The following GPC6 variants were observed in gnomAD, a reference collection of about 807,000 sequenced individuals.
GPC6 encodes glypican 6, also known as glypican-6.
GPC6 carries 14 observed loss-of-function variants against 55.2 expected under a neutral mutation model. The ratio of observed to expected loss-of-function variants is 0.25; its 90% CI spans 0.17 to 0.40. The LOEUF (loss-of-function observed/expected upper bound fraction) is 0.40, where lower values mean the gene tolerates loss of function less well. Ranked by LOEUF, GPC6 falls within the 10% of genes least tolerant of loss-of-function variation. GPC6 has a pLI of 1.00. For synonymous variants in GPC6, 278 were observed against 259.6 expected (o/e 1.07, Z -0.68); for missense variants, 641 against 708.5 (o/e 0.90, Z 1.08).
intron 3 of GPC6, among the ~76,000 whole-genome samples, chr13:93,960,729 G>A (rs540422101): frequency 2.0e-5 from 3 of 151,882 alleles, no homozygotes; most frequent in Admixed American, 6.6e-5. Context: ...TCTCTGTGAT[G>A]CTGAAGCCAC....
At chr13:93,844,085 C>T (rs1363061195) in intron 3 of GPC6, among the ~76,000 whole-genome samples, 4 of 152,110 alleles carry the variant, frequency 2.6e-5, no homozygotes, top group Non-Finnish European at 4.4e-5. Flanking sequence ...ATCTCCCTAG[C>T]CTGTGAACTT....
chr13:94,117,101 A>G (rs531929965), intron 4 of GPC6, among the ~76,000 whole-genome samples: 2 of 152,174 alleles, frequency 1.3e-5, no homozygotes, highest in African/African-American at 4.8e-5. Flanking sequence ...TAATTCCATA[A>G]CAATCATTGT....
intron 2 of GPC6, among the ~76,000 whole-genome samples, chr13:93,814,312 T>C (rs1886783140): frequency 3.3e-5 from 5 of 152,212 alleles, no homozygotes; most frequent in Admixed American, 2.6e-4. Flanking sequence ...TTTAAAAGCA[T>C]GTTTTAATTA....
chr13:93,620,932 C>CT (rs778290495), intron 2 of GPC6, among the ~76,000 whole-genome samples: 1 of 152,080 alleles, frequency 6.6e-6, no homozygotes, highest in Non-Finnish European at 1.5e-5. Flanking sequence ...TTGGGCTGCA[C>CT]TTTTTTGTGA....
chr13:94,156,056 G>C (rs603741), intron 4 of GPC6, among the ~76,000 whole-genome samples: 87,736 of 152,040 alleles, frequency 0.58, 26,802 homozygotes, highest in Non-Finnish European at 0.67. Context: ...CGAGACTAAA[G>C]CCAAGATGAT....
intron 4 of GPC6, among the ~76,000 whole-genome samples, chr13:94,245,716 G>C (rs560355718): frequency 3.3e-5 from 5 of 152,114 alleles, no homozygotes; most frequent in African/African-American, 4.8e-5. Flanking sequence ...AATAATATTT[G>C]TGTGTATGTG....
intron 1 of GPC6, among the ~76,000 whole-genome samples, chr13:93,439,355 T>C (rs1052618040): frequency 2.0e-5 from 3 of 152,092 alleles, no homozygotes; most frequent in Admixed American, 6.6e-5. Flanking sequence ...GGTAATTGAA[T>C]CATGGGAGTT....
At chr13:93,593,552 G>T (rs1253807437) in intron 2 of GPC6, among the ~76,000 whole-genome samples, 3 of 152,020 alleles carry the variant, frequency 2.0e-5, no homozygotes, top group Admixed American at 6.6e-5. Flanking sequence ...TAATAAACTA[G>T]ATCTAGTTTG....
chr13:93,657,001 A>G (rs1173139847), intron 2 of GPC6, among the ~76,000 whole-genome samples: 1 of 152,160 alleles, frequency 6.6e-6, no homozygotes, highest in African/African-American at 2.4e-5. Flanking sequence ...AGGAAGAATC[A>G]ATATGGTTAA....
At chr13:93,952,750 C>A (rs763374475) in intron 3 of GPC6, among the ~76,000 whole-genome samples, 1 of 147,684 alleles carries the variant, frequency 6.8e-6, no homozygotes, top group Admixed American at 6.8e-5. Flanking sequence ...TGTGTATGTG[C>A]GTGTGACGTG....
At chr13:94,317,697 C>T (rs1041433585) in intron 6 of GPC6, among the ~76,000 whole-genome samples, 1 of 152,088 alleles carries the variant, frequency 6.6e-6, no homozygotes, top group Non-Finnish European at 1.5e-5. Flanking sequence ...AAATTAAAAG[C>T]TTTTTACAGT....
At chr13:93,365,813 C>T (rs1407486932) in intron 1 of GPC6, among the ~76,000 whole-genome samples, 1 of 152,074 alleles carries the variant, frequency 6.6e-6, no homozygotes. Context: ...ACTAAGCTGA[C>T]ACTATCTCCT....
intron 4 of GPC6, among the ~76,000 whole-genome samples, chr13:94,244,248 G>A (rs1473679025): frequency 6.6e-6 from 1 of 152,088 alleles, no homozygotes; most frequent in Non-Finnish European, 1.5e-5. Context: ...TCATTTTGGG[G>A]CCAGCACGTA....
At chr13:94,211,111 T>C (rs2138988732) in intron 4 of GPC6, among the ~76,000 whole-genome samples, 1 of 152,334 alleles carries the variant, frequency 6.6e-6, no homozygotes, top group East Asian at 1.9e-4. Context: ...CCTGTACTTA[T>C]ATTCAAAACT....
At chr13:93,914,567 T>C (rs1458466179) in intron 3 of GPC6, among the ~76,000 whole-genome samples, 1 of 152,224 alleles carries the variant, frequency 6.6e-6, no homozygotes. Flanking sequence ...CCAAATTTAT[T>C]TGAAATTTTC....
chr13:93,723,805 A>G (rs1883535016), intron 2 of GPC6, among the ~76,000 whole-genome samples: 2 of 152,028 alleles, frequency 1.3e-5, no homozygotes, highest in South Asian at 4.1e-4. Context: ...AGATTGTTGA[A>G]TAAGAAAGTC....
chr13:93,817,694 G>A (rs770875328), intron 2 of GPC6, among the ~76,000 whole-genome samples: 4 of 151,726 alleles, frequency 2.6e-5, no homozygotes, highest in Non-Finnish European at 4.4e-5. Context: ...CACCATCTCT[G>A]CAAAAAATAC....
At chr13:93,355,880 T>C (rs17267669) in intron 1 of GPC6, among the ~76,000 whole-genome samples, 1,596 of 151,982 alleles carry the variant, frequency 0.011, 15 homozygotes, top group Non-Finnish European at 0.016. Flanking sequence ...CATGGCAGGA[T>C]GTGAGAAATA....
At chr13:93,218,962 G>A in the GPC6 span, among the ~76,000 whole-genome samples, 1 of 152,100 alleles carries the variant, frequency 6.6e-6, no homozygotes, top group Non-Finnish European at 1.5e-5. Flanking sequence ...GAATCAGCCT[G>A]GTTGTTGGTA....
Sources: allele counts gnomAD v4.1 joint callset (sites outside exome capture counted in the v4.1 genomes callset), GRCh38; gene constraint gnomAD v4.1.1; transcripts MANE v1.5; gene names NCBI Gene and HGNC (gene_info 2026-07-23, HGNC 2026-07-21).